The following COL25A1 variants were observed in gnomAD, a reference collection of about 807,000 sequenced individuals.
The protein encoded by COL25A1 is collagen type XXV alpha 1 chain, also known as collagen alpha-1(XXV) chain.
A neutral mutation model predicts 128.4 loss-of-function variants in COL25A1; 103 were observed. The observed-to-expected ratio is 0.80, with a 90% CI of 0.68 to 0.94. The LOEUF (loss-of-function observed/expected upper bound fraction) is 0.94, where lower values mean the gene tolerates loss of function less well. COL25A1 is among the 40% of genes least tolerant of loss of function. COL25A1 has a pLI of 0.00. For synonymous variants in COL25A1, 279 were observed against 277.2 expected, an observed-to-expected ratio of 1.01 and a Z score of -0.06; for missense variants, 745 against 840.0, an observed-to-expected ratio of 0.89 and a Z score of 1.40.
intron 6 of COL25A1, among the ~76,000 whole-genome samples, chr4:108,987,848 T>C (rs755552997): frequency 2.6e-5 from 4 of 152,246 alleles, no homozygotes; most frequent in African/African-American, 9.6e-5. Context: ...CAATCATTGA[T>C]GACTCATCTC....
intron 3 of COL25A1, among the ~76,000 whole-genome samples, chr4:109,061,782 G>C (rs1761997359): frequency 6.6e-6 from 1 of 152,128 alleles, no homozygotes; most frequent in Non-Finnish European, 1.5e-5. Context: ...GATTCATACT[G>C]ACAGGCAAAT....
chr4:109,054,351 A>G (rs1156730592), intron 3 of COL25A1, among the ~76,000 whole-genome samples: 2 of 152,196 alleles, frequency 1.3e-5, no homozygotes, highest in Non-Finnish European at 2.9e-5. Flanking sequence ...TTAATCTGCT[A>G]TCTGGTAAAT....
chr4:108,918,360 T>C (rs1045366188), intron 12 of COL25A1, 144 bp from the exon 13 acceptor site: 3 of 503,488 alleles, frequency 6.0e-6, no homozygotes, highest in African/African-American at 4.0e-5. Flanking sequence ...TGTTCAAATA[T>C]ATAATGTAAG....
At chr4:109,193,771 T>TACAC (rs759276985) in intron 3 of COL25A1, among the ~76,000 whole-genome samples, 4 of 152,052 alleles carry the variant, frequency 2.6e-5, no homozygotes, top group Non-Finnish European at 5.9e-5. Context: ...AGTCACTAAA[T>TACAC]ACACAACATT....
chr4:108,980,633 A>T (rs1248651220), intron 6 of COL25A1, among the ~76,000 whole-genome samples: 34 of 152,234 alleles, frequency 2.2e-4, no homozygotes, highest in Non-Finnish European at 1.3e-4. Flanking sequence ...GCACAGAGGT[A>T]GTCATAACTG....
intron 3 of COL25A1, among the ~76,000 whole-genome samples, chr4:109,289,216 A>C (rs1207017577): frequency 6.6e-6 from 1 of 152,130 alleles, no homozygotes. Flanking sequence ...ATCTATAGAC[A>C]TGCAAACTCT....
rs112354073 is a variant in COL25A1, at chr4:109,167,874, T to C, written c.368-117695A>G. Among the ~76,000 whole-genome samples the C allele has an allele frequency of 4.2e-3, 632 of 152,184 alleles. 3 individuals are homozygous for C. The highest frequency in any genetic ancestry group is 7.5e-3 in the Non-Finnish European group (513 of 67,974). On this transcript the variant is annotated intron_variant, in intron 3 of 37. Transcript: ENST00000399132. Reference sequence around the variant, plus strand: ...CAAAAAACTCATCTATAATTTCAGATAGATGAGGGGAGGTGGGCCAATTAA... The same window carrying C: ...CAAAAAACTCATCTATAATTTCAGACAGATGAGGGGAGGTGGGCCAATTAA...
chr4:109,188,403 G>A (rs924290680), intron 3 of COL25A1, among the ~76,000 whole-genome samples: 32 of 152,118 alleles, frequency 2.1e-4, no homozygotes, highest in Admixed American at 6.5e-4. Flanking sequence ...AGAAAGCAAC[G>A]CACTCCACCT....
chr4:109,285,549 G>A (rs541796365), intron 3 of COL25A1, among the ~76,000 whole-genome samples: 8 of 152,270 alleles, frequency 5.3e-5, no homozygotes, highest in Admixed American at 4.6e-4. Context: ...ACATTATGAC[G>A]AATAATGCAA....
intron 3 of COL25A1, among the ~76,000 whole-genome samples, chr4:109,125,293 C>T (rs1200510628): frequency 6.6e-6 from 1 of 152,128 alleles, no homozygotes; most frequent in African/African-American, 2.4e-5. Context: ...GCAGTTGCTG[C>T]AATCTAGGTA....
At chr4:108,939,598 A>T (rs1747835679) in intron 10 of COL25A1, among the ~76,000 whole-genome samples, 1 of 152,146 alleles carries the variant, frequency 6.6e-6, no homozygotes, top group South Asian at 2.1e-4. Flanking sequence ...AAAGAAAAAA[A>T]TATTTTTTTC....
intron 25 of COL25A1, among the ~76,000 whole-genome samples, chr4:108,852,687 G>A (rs1007721735): frequency 2.0e-5 from 3 of 152,160 alleles, no homozygotes; most frequent in Non-Finnish European, 4.4e-5. Context: ...TAAGGCCAGA[G>A]ACTTTTAAGA....
chr4:109,000,280 TCA>T (rs1755218867), intron 6 of COL25A1, among the ~76,000 whole-genome samples: 1 of 152,150 alleles, frequency 6.6e-6, no homozygotes, highest in African/African-American at 2.4e-5. Flanking sequence ...ATTTCAGTCC[TCA>T]CACTGTTGAG....
At chr4:109,170,605 C>T (rs184199004) in intron 3 of COL25A1, among the ~76,000 whole-genome samples, 22 of 152,030 alleles carry the variant, frequency 1.4e-4, no homozygotes, top group African/African-American at 3.4e-4. Flanking sequence ...CCCCCAAACG[C>T]GTGGATGGAT....
chr4:108,833,954 G>A lies in COL25A1; in HGVS notation c.1657-1521C>T, dbSNP rs576357606. Among the ~76,000 whole-genome samples, 9 of 152,316 alleles carry A rather than the reference G, an allele frequency of 5.9e-5. No individual in the cohort carries two copies. In the East Asian group the frequency reaches 1.7e-3, roughly 29 times the overall value. On this transcript the variant is annotated intron_variant, in intron 31 of 37. Transcript: ENST00000399132. ...GATGGACATCAGTCTAAAAGGAAAAGCAAGTTACAATAATTTCACATTATT... is the reference window on the plus strand; with the variant it reads ...GATGGACATCAGTCTAAAAGGAAAAACAAGTTACAATAATTTCACATTATT...
chr4:108,826,858 G>A (rs1732450186), intron 33 of COL25A1, among the ~76,000 whole-genome samples: 2 of 150,828 alleles, frequency 1.3e-5, no homozygotes, highest in Non-Finnish European at 2.9e-5. Context: ...CTGACAGTTA[G>A]GATCCTGTTC....
chr4:108,890,399 G>A (rs930928683), intron 16 of COL25A1, among the ~76,000 whole-genome samples: 3 of 152,224 alleles, frequency 2.0e-5, no homozygotes, highest in African/African-American at 7.2e-5. Flanking sequence ...TGTGAGCTCT[G>A]AGAGAAAGTC....
At chr4:109,224,926 G>A (rs1192117506) in intron 3 of COL25A1, among the ~76,000 whole-genome samples, 1 of 152,150 alleles carries the variant, frequency 6.6e-6, no homozygotes, top group Admixed American at 6.5e-5. Flanking sequence ...GGCAACAAGA[G>A]TGAAACTCCA....
At chr4:109,227,644 C>A (rs758201024) in intron 3 of COL25A1, among the ~76,000 whole-genome samples, 29 of 150,926 alleles carry the variant, frequency 1.9e-4, no homozygotes, top group Non-Finnish European at 1.9e-4. Flanking sequence ...TAGCCTCATA[C>A]ACTTATCACA....
Sources: allele counts gnomAD v4.1 joint callset (sites outside exome capture counted in the v4.1 genomes callset), GRCh38; gene constraint gnomAD v4.1.1; transcripts MANE v1.5; gene names NCBI Gene and HGNC (gene_info 2026-07-23, HGNC 2026-07-21).